RSRC1: variants seen among roughly 807,000 people sequenced by gnomAD.
RSRC1 encodes serine/Arginine-related protein 53.
A neutral mutation model predicts 49.1 loss-of-function variants in RSRC1; 39 were observed. That is an observed-to-expected ratio of 0.79 (90% CI 0.61 to 1.04). RSRC1 has a LOEUF of 1.04. RSRC1 is among the 50% of genes least tolerant of loss of function. The pLI is 0.00. For missense variants in RSRC1, 388 were observed against 402.4 expected, an observed-to-expected ratio of 0.96 and a Z score of 0.31; for synonymous variants, 143 against 130.8, an observed-to-expected ratio of 1.09 and a Z score of -0.63.
intron 6 of RSRC1, among the ~76,000 whole-genome samples, chr3:158,422,548 G>T (rs1482310778): frequency 6.6e-6 from 1 of 151,324 alleles, no homozygotes; most frequent in Non-Finnish European, 1.5e-5. Context: ...GTGTGCATGT[G>T]TCTTTATAGC....
At chr3:158,164,357 C>T (rs1293274483) in intron 3 of RSRC1, among the ~76,000 whole-genome samples, 1 of 151,156 alleles carries the variant, frequency 6.6e-6, no homozygotes, top group Non-Finnish European at 1.5e-5. Context: ...ACTTGATTTT[C>T]CAAATAAATT....
intron 4 of RSRC1, among the ~76,000 whole-genome samples, chr3:158,243,167 T>G (rs1200937515): frequency 6.6e-6 from 1 of 152,194 alleles, no homozygotes; most frequent in East Asian, 1.9e-4. Context: ...TCTTCTGAAG[T>G]TTTTATAGTT....
intron 4 of RSRC1, among the ~76,000 whole-genome samples, chr3:158,267,350 G>A (rs559132653): frequency 1.3e-5 from 2 of 152,128 alleles, no homozygotes; most frequent in South Asian, 4.1e-4. Context: ...AAACTGAAAA[G>A]CTCACTTTTC....
At chr3:158,428,282 A>G (rs545687313) in intron 6 of RSRC1, among the ~76,000 whole-genome samples, 1 of 152,012 alleles carries the variant, frequency 6.6e-6, no homozygotes, top group Admixed American at 6.6e-5. Context: ...GGGATAATGC[A>G]TATCAGTTTG....
intron 6 of RSRC1, among the ~76,000 whole-genome samples, chr3:158,379,931 A>G (rs56387731): frequency 6.6e-6 from 1 of 151,216 alleles, no homozygotes; most frequent in African/African-American, 2.4e-5. Flanking sequence ...ATCTGTCTCT[A>G]CCCACTAGAA....
At chr3:158,271,219 C>G (rs1377787666) in intron 4 of RSRC1, among the ~76,000 whole-genome samples, 3 of 152,086 alleles carry the variant, frequency 2.0e-5, no homozygotes, top group Non-Finnish European at 4.4e-5. Flanking sequence ...ACATTTTCCT[C>G]TAATAAGGGA....
At chr3:158,302,666 C>CGTTTTTTTTT (rs1559983974) in intron 5 of RSRC1, 1 of 39,256 alleles carries the variant, frequency 2.5e-5, no homozygotes, top group African/African-American at 1.3e-4. Context: ...CTTTTTTCTT[C>CGTTTTTTTTT]CTTTTTTTTT....
At chr3:158,298,173 A>G in intron 5 of RSRC1, 98 bp downstream of exon 5, 1 of 901,424 alleles carries the variant, frequency 1.1e-6, no homozygotes, top group Non-Finnish European at 1.8e-6. Context: ...GTATTGAGAA[A>G]GTCAACCATT....
At chr3:158,113,379 T>A (rs1714549564) in intron 1 of RSRC1, among the ~76,000 whole-genome samples, 1 of 150,986 alleles carries the variant, frequency 6.6e-6, no homozygotes, top group Admixed American at 6.6e-5. Context: ...GACTTTTTTT[T>A]TTTTTTTGAG....
At chr3:158,464,491 A>C (rs1737777070) in intron 7 of RSRC1, among the ~76,000 whole-genome samples, 1 of 152,152 alleles carries the variant, frequency 6.6e-6, no homozygotes. Flanking sequence ...CCCTTTCTAA[A>C]TTATTCATGG....
chr3:158,260,174 G>A (rs990917074), intron 4 of RSRC1, among the ~76,000 whole-genome samples: 2 of 151,966 alleles, frequency 1.3e-5, no homozygotes, highest in Non-Finnish European at 1.5e-5. Flanking sequence ...ACCACAGCTT[G>A]GAATGTGCGG....
chr3:158,388,385 C>T (rs1000587605), intron 6 of RSRC1, among the ~76,000 whole-genome samples: 4 of 151,912 alleles, frequency 2.6e-5, no homozygotes, highest in Non-Finnish European at 1.5e-5. Context: ...TTCAAGATAT[C>T]ACCCTTTACA....
chr3:158,405,598 A>G (rs1734123099), intron 6 of RSRC1, among the ~76,000 whole-genome samples: 1 of 152,226 alleles, frequency 6.6e-6, no homozygotes, highest in South Asian at 2.1e-4. Flanking sequence ...TGTCATGGGT[A>G]AGGCTTTTAC....
intron 7 of RSRC1, among the ~76,000 whole-genome samples, chr3:158,508,726 G>A (rs900596652): frequency 1.3e-5 from 2 of 152,070 alleles, no homozygotes; most frequent in South Asian, 2.1e-4. Flanking sequence ...ATACACTACC[G>A]CTCATTAGTC....
intron 3 of RSRC1, among the ~76,000 whole-genome samples, chr3:158,135,124 C>T (rs1345404598): frequency 6.6e-6 from 1 of 151,992 alleles, no homozygotes; most frequent in African/African-American, 2.4e-5. Flanking sequence ...TTTGATGAAC[C>T]AAAATACCGT....
intron 5 of RSRC1, among the ~76,000 whole-genome samples, chr3:158,319,636 T>C (rs540272946): frequency 3.9e-5 from 6 of 152,332 alleles, no homozygotes; most frequent in Admixed American, 3.9e-4. Context: ...CATTTCATGT[T>C]ATTCTGTCTC....
intron 4 of RSRC1, among the ~76,000 whole-genome samples, chr3:158,239,038 A>C (rs935552025): frequency 6.6e-6 from 1 of 151,990 alleles, no homozygotes; most frequent in Admixed American, 6.6e-5. Flanking sequence ...AAACCATCAA[A>C]AAGTGGGCAA....
At chr3:158,236,974 A>G (rs1421828116) in intron 4 of RSRC1, among the ~76,000 whole-genome samples, 2 of 152,198 alleles carry the variant, frequency 1.3e-5, no homozygotes, top group Non-Finnish European at 2.9e-5. Context: ...TTCAGAAGCC[A>G]TTAGATAAAA....
At chr3:158,126,807 G>T (rs748852851) in intron 3 of RSRC1, among the ~76,000 whole-genome samples, 6 of 152,096 alleles carry the variant, frequency 3.9e-5, no homozygotes, top group Non-Finnish European at 8.8e-5. Flanking sequence ...ATCTGGGAAA[G>T]ATTTGATTTG....
Sources: allele counts gnomAD v4.1 joint callset (sites outside exome capture counted in the v4.1 genomes callset), GRCh38; gene constraint gnomAD v4.1.1; transcripts MANE v1.5; gene names NCBI Gene and HGNC (gene_info 2026-07-23, HGNC 2026-07-21).